The following ZC3H12B variants were observed in gnomAD, a reference collection of about 807,000 sequenced individuals.
ZC3H12B encodes zinc finger CCCH-type containing 12B, also known as probable ribonuclease ZC3H12B.
Under a neutral mutation model 43.9 loss-of-function variants are expected in ZC3H12B, and 7 were observed. The ratio of observed to expected loss-of-function variants is 0.16; its 90% CI spans 0.09 to 0.30. The LOEUF (loss-of-function observed/expected upper bound fraction) is 0.30, where lower values mean the gene tolerates loss of function less well. Among genes scored for constraint, ZC3H12B ranks in the 10% least tolerant of loss-of-function variants. The pLI is 1.00. For missense variants in ZC3H12B, 475 were observed against 670.2 expected, an observed-to-expected ratio of 0.71 and a Z score of 3.22; for synonymous variants, 222 against 241.7, an observed-to-expected ratio of 0.92 and a Z score of 0.76.
At chrX:65,145,311 T>A in the ZC3H12B span, among the ~76,000 whole-genome samples, 25,685 of 108,407 alleles carry the variant, frequency 0.24, 7,655 homozygotes, top group African/African-American at 0.83. Context: ...TTTGATGTCC[T>A]CTTGCATGAT....
At chrX:65,067,472 C>T in the ZC3H12B span, among the ~76,000 whole-genome samples, 2 of 110,492 alleles carry the variant, frequency 1.8e-5, no homozygotes, top group African/African-American at 6.6e-5. Flanking sequence ...TGGGCTGCAC[C>T]CACTGTCTAA....
the ZC3H12B span, among the ~76,000 whole-genome samples, chrX:65,089,564 A>C: frequency 1.8e-5 from 2 of 111,673 alleles, no homozygotes; most frequent in Non-Finnish European, 3.8e-5. Flanking sequence ...TGTACACTTA[A>C]GCTATACTAA....
chrX:65,175,954 G>T, the ZC3H12B span, among the ~76,000 whole-genome samples: 1 of 111,811 alleles, frequency 8.9e-6, no homozygotes, highest in Non-Finnish European at 1.9e-5. Flanking sequence ...AAGCACAAAA[G>T]TGGGTGGCCA....
chrX:65,175,930 G>A, the ZC3H12B span, among the ~76,000 whole-genome samples: 2 of 112,169 alleles, frequency 1.8e-5, 1 homozygote, highest in Middle Eastern at 8.4e-3. Flanking sequence ...TACACCACTG[G>A]GGCCCTGGGT....
At chrX:65,116,140 G>T in the ZC3H12B span, among the ~76,000 whole-genome samples, 1 of 111,247 alleles carries the variant, frequency 9.0e-6, no homozygotes, top group Non-Finnish European at 1.9e-5. Flanking sequence ...ATTTCCAGAA[G>T]GGTTTTTCTG....
At chrX:65,384,483 G>A (rs1301126970) in intron 2 of ZC3H12B, among the ~76,000 whole-genome samples, 1 of 110,455 alleles carries the variant, frequency 9.1e-6, no homozygotes, top group Non-Finnish European at 1.9e-5. Context: ...TGCATATTGT[G>A]CACATGTACC....
chrX:65,408,278 G>C, intron 3 of ZC3H12B: 1 of 1,169,830 alleles, frequency 8.5e-7, no homozygotes, highest in Non-Finnish European at 1.2e-6. Context: ...GATGTATTAC[G>C]AAATGCCATA....
chrX:65,070,464 G>T, the ZC3H12B span, among the ~76,000 whole-genome samples: 2 of 110,156 alleles, frequency 1.8e-5, no homozygotes, highest in Non-Finnish European at 3.8e-5. Flanking sequence ...GTTATTTCTT[G>T]TCTTCTGCTA....
At chrX:65,370,513 T>C (rs1266111585) in intron 2 of ZC3H12B, among the ~76,000 whole-genome samples, 1 of 112,020 alleles carries the variant, frequency 8.9e-6, no homozygotes, top group Non-Finnish European at 1.9e-5. Context: ...TTGAATAAAA[T>C]GAACACTAAA....
At chrX:65,231,379 A>G in the ZC3H12B span, among the ~76,000 whole-genome samples, 154 of 111,511 alleles carry the variant, frequency 1.4e-3, 1 homozygote, top group African/African-American at 4.9e-3. Flanking sequence ...AACAGGAAAC[A>G]GGGTTCGAGA....
At chrX:65,262,956 G>C in the ZC3H12B span, among the ~76,000 whole-genome samples, 1 of 110,389 alleles carries the variant, frequency 9.1e-6, no homozygotes. Context: ...TACATAGTTT[G>C]TAAAATATTA....
intron 3 of ZC3H12B, among the ~76,000 whole-genome samples, chrX:65,460,620 A>G (rs1346188105): frequency 8.9e-6 from 1 of 112,199 alleles, no homozygotes; most frequent in Non-Finnish European, 1.9e-5. Flanking sequence ...AGGATTCCCT[A>G]TTGAATAAAT....
chrX:65,117,853 T>C, the ZC3H12B span, among the ~76,000 whole-genome samples: 1 of 111,922 alleles, frequency 8.9e-6, no homozygotes, highest in African/African-American at 3.2e-5. Flanking sequence ...CTCAGGTTTG[T>C]CAAAGATCAG....
At chrX:65,205,248 T>C in the ZC3H12B span, among the ~76,000 whole-genome samples, 3 of 111,899 alleles carry the variant, frequency 2.7e-5, no homozygotes, top group East Asian at 8.4e-4. Flanking sequence ...CCTTCTTTCA[T>C]AGCTGTCACT....
At chrX:65,438,554 T>C (rs2148121702) in intron 3 of ZC3H12B, among the ~76,000 whole-genome samples, 1 of 112,560 alleles carries the variant, frequency 8.9e-6, no homozygotes, top group South Asian at 3.7e-4. Flanking sequence ...ATCAGGGGTC[T>C]CATAGCCTTC....
the ZC3H12B span, among the ~76,000 whole-genome samples, chrX:65,188,529 T>C: frequency 9.0e-6 from 1 of 110,966 alleles, no homozygotes; most frequent in East Asian, 2.8e-4. Context: ...TGAGATTATG[T>C]CTTATTACAG....
chrX:65,158,655 G>T, the ZC3H12B span, among the ~76,000 whole-genome samples: 16 of 111,446 alleles, frequency 1.4e-4, no homozygotes, highest in South Asian at 5.6e-3. Context: ...TGAGTTCATT[G>T]TAGATTCTGG....
chrX:65,319,708 CA>C, the ZC3H12B span, among the ~76,000 whole-genome samples: 3 of 111,212 alleles, frequency 2.7e-5, no homozygotes, highest in Non-Finnish European at 5.7e-5. Flanking sequence ...AGCAGCACAT[CA>C]AAAAGCTAAT....
At chrX:65,267,517 AT>A in the ZC3H12B span, among the ~76,000 whole-genome samples, 3 of 111,282 alleles carry the variant, frequency 2.7e-5, no homozygotes, top group Non-Finnish European at 5.7e-5. Context: ...AGGAAAAAAA[AT>A]GTCTGTAAGG....
Sources: allele counts gnomAD v4.1 joint callset (sites outside exome capture counted in the v4.1 genomes callset), GRCh38; gene constraint gnomAD v4.1.1; transcripts MANE v1.5; gene names NCBI Gene and HGNC (gene_info 2026-07-23, HGNC 2026-07-21).